The following STARD13 variants were observed in gnomAD, a reference collection of about 807,000 sequenced individuals.
STARD13 encodes StAR related lipid transfer domain containing 13, also known as stAR-related lipid transfer protein 13.
In STARD13, 62 loss-of-function variants were observed where a neutral mutation model predicts 106.4. The observed-to-expected ratio is 0.58, with a 90% CI of 0.48 to 0.72. The LOEUF (loss-of-function observed/expected upper bound fraction) is 0.72. Ranked by LOEUF, STARD13 falls within the 30% of genes least tolerant of loss-of-function variation. The pLI, the probability that STARD13 is intolerant of heterozygous loss-of-function variation, is 0.00. For missense variants in STARD13, 1,387 were observed against 1,424.0 expected (o/e 0.97, Z 0.42); for synonymous variants, 565 against 553.0 (o/e 1.02, Z -0.31).
chr13:33,567,208 A>G, the STARD13 span, among the ~76,000 whole-genome samples: 18 of 148,632 alleles, frequency 1.2e-4, 3 homozygotes, highest in African/African-American at 2.7e-4. Context: ...TTTTGTCTCA[A>G]ATTCATAACA....
chr13:33,475,994 G>A, the STARD13 span, among the ~76,000 whole-genome samples: 1 of 151,982 alleles, frequency 6.6e-6, no homozygotes, highest in African/African-American at 2.4e-5. Flanking sequence ...AAAAATAGAT[G>A]AGAGTAGAAA....
the STARD13 span, among the ~76,000 whole-genome samples, chr13:33,562,764 A>C: frequency 2.0e-5 from 3 of 146,714 alleles, no homozygotes; most frequent in Non-Finnish European, 4.5e-5. Flanking sequence ...ATGCTATATA[A>C]AGTGTTAAAA....
chr13:33,251,958 G>C (rs989363028), intron 1 of STARD13, among the ~76,000 whole-genome samples: 1 of 152,082 alleles, frequency 6.6e-6, no homozygotes, highest in African/African-American at 2.4e-5. Context: ...CAGAGTTCTG[G>C]TAAAGGCTGA....
intron 1 of STARD13, among the ~76,000 whole-genome samples, chr13:33,334,335 A>G (rs1248420559): frequency 6.6e-6 from 1 of 152,188 alleles, no homozygotes; most frequent in African/African-American, 2.4e-5. Flanking sequence ...CAAGGACCAG[A>G]TTGAAATACT....
chr13:33,566,903 A>T, the STARD13 span, among the ~76,000 whole-genome samples: 1 of 148,152 alleles, frequency 6.7e-6, no homozygotes, highest in Non-Finnish European at 1.5e-5. Context: ...TCTAGCATGC[A>T]TACCAAATAC....
chr13:33,579,968 CA>C, the STARD13 span, among the ~76,000 whole-genome samples: 33 of 152,164 alleles, frequency 2.2e-4, no homozygotes, highest in African/African-American at 6.7e-4. Context: ...GATGGAAACG[CA>C]AAATGGTATA....
intron 1 of STARD13, among the ~76,000 whole-genome samples, chr13:33,311,439 G>A (rs1163175724): frequency 1.3e-5 from 2 of 152,158 alleles, no homozygotes; most frequent in African/African-American, 4.8e-5. Context: ...TGGATTTTTA[G>A]GAAAGAACTG....
At chr13:33,255,579 TTCCTC>T (rs1890322503) in intron 1 of STARD13, among the ~76,000 whole-genome samples, 2 of 152,210 alleles carry the variant, frequency 1.3e-5, no homozygotes, top group Middle Eastern at 3.4e-3. Flanking sequence ...ACAGAGATGA[TTCCTC>T]TCTTCTTACT....
At chr13:33,314,131 A>G (rs1050387121) in intron 1 of STARD13, among the ~76,000 whole-genome samples, 4 of 152,130 alleles carry the variant, frequency 2.6e-5, no homozygotes, top group African/African-American at 9.7e-5. Context: ...TAGGAGGAAT[A>G]CCGGTAAGGG....
At chr13:33,165,553 T>A in intron 2 of STARD13, 135 bp from the exon 3 acceptor site, 1 of 677,752 alleles carries the variant, frequency 1.5e-6, no homozygotes, top group Admixed American at 2.8e-5. Flanking sequence ...TGGGAATGTT[T>A]AAGAGAGCAA....
chr13:33,370,055 C>T, the STARD13 span, among the ~76,000 whole-genome samples: 144 of 152,274 alleles, frequency 9.5e-4, no homozygotes, highest in African/African-American at 3.4e-3. Context: ...TTTGCCAGAA[C>T]AATTTATAGC....
At chr13:33,280,382 CA>C (rs1282657469) in intron 1 of STARD13, 1 of 151,974 alleles carries the variant, frequency 6.6e-6, no homozygotes, top group Non-Finnish European at 1.5e-5. Flanking sequence ...GATAGAATGG[CA>C]ACTCAAATGA....
At chr13:33,660,126 G>A in the STARD13 span, among the ~76,000 whole-genome samples, 3 of 152,140 alleles carry the variant, frequency 2.0e-5, no homozygotes, top group Admixed American at 6.6e-5. Context: ...CTCTGCTCAC[G>A]AGGGCCTTCC....
the STARD13 span, among the ~76,000 whole-genome samples, chr13:33,588,058 A>G: frequency 6.6e-6 from 1 of 152,120 alleles, no homozygotes; most frequent in Non-Finnish European, 1.5e-5. Flanking sequence ...GAATTCTCCT[A>G]AATCTTCTCT....
chr13:33,460,740 C>CA, the STARD13 span, among the ~76,000 whole-genome samples: 179 of 148,572 alleles, frequency 1.2e-3, no homozygotes, highest in African/African-American at 4.1e-3. Flanking sequence ...TCAAAAAAAA[C>CA]AAAAAAAAAG....
chr13:33,676,526 C>T, the STARD13 span, among the ~76,000 whole-genome samples: 1 of 152,122 alleles, frequency 6.6e-6, no homozygotes, highest in Non-Finnish European at 1.5e-5. Flanking sequence ...CAGAGCTGTG[C>T]GTGCACGTTT....
the STARD13 span, among the ~76,000 whole-genome samples, chr13:33,587,820 G>A: frequency 2.0e-5 from 3 of 152,124 alleles, no homozygotes; most frequent in South Asian, 2.1e-4. Flanking sequence ...TGCTTTCAGT[G>A]TAAATGACAC....
At chr13:33,249,045 TA>T (rs1176378937) in intron 1 of STARD13, among the ~76,000 whole-genome samples, 1 of 152,250 alleles carries the variant, frequency 6.6e-6, no homozygotes, top group Admixed American at 6.5e-5. Context: ...TACTATATTT[TA>T]AAGGCAGCCA....
the STARD13 span, among the ~76,000 whole-genome samples, chr13:33,535,163 C>T: frequency 2.6e-5 from 4 of 151,866 alleles, no homozygotes; most frequent in East Asian, 1.9e-4. Context: ...TGCAGTGAGC[C>T]GAGATCATGC....
Sources: allele counts gnomAD v4.1 joint callset (sites outside exome capture counted in the v4.1 genomes callset), GRCh38; gene constraint gnomAD v4.1.1; transcripts MANE v1.5; gene names NCBI Gene and HGNC (gene_info 2026-07-23, HGNC 2026-07-21).